The following DCDC1 variants were observed in gnomAD, a reference collection of about 807,000 sequenced individuals.
DCDC1 encodes the protein doublecortin domain containing 1.
In DCDC1, 200 loss-of-function variants were observed where a neutral mutation model predicts 178.3. The ratio of observed to expected loss-of-function variants is 1.12; its 90% CI spans 1.00 to 1.26. DCDC1 has a LOEUF of 1.26. Ranked by LOEUF, DCDC1 falls within the 50% of genes most tolerant of loss-of-function variation. The probability of loss-of-function intolerance (pLI) is 0.00; values close to 1 mark genes in which losing one functional copy is unlikely to be tolerated. For synonymous variants in DCDC1, 690 were observed against 604.8 expected, an observed-to-expected ratio of 1.14 and a Z score of -2.07; for missense variants, 1,983 against 1,749.2, an observed-to-expected ratio of 1.13 and a Z score of -2.38.
At chr11:31,201,837 GAACA>G (rs1971324258) in intron 9 of DCDC1, among the ~76,000 whole-genome samples, 1 of 151,942 alleles carries the variant, frequency 6.6e-6, no homozygotes, top group African/African-American at 2.4e-5. Flanking sequence ...AAAACAAAGT[GAACA>G]AATTAGACAA....
At chr11:31,333,477 T>C (rs1253297430) in intron 2 of DCDC1, among the ~76,000 whole-genome samples, 1 of 152,182 alleles carries the variant, frequency 6.6e-6, no homozygotes, top group African/African-American at 2.4e-5. Flanking sequence ...CTAGCATCAG[T>C]GGTCTTTACA....
chr11:30,955,403 T>C (rs1056881126), intron 20 of DCDC1, among the ~76,000 whole-genome samples: 6 of 152,206 alleles, frequency 3.9e-5, no homozygotes, highest in Non-Finnish European at 7.3e-5. Flanking sequence ...ACTTTTGTTC[T>C]CTCTACCTCT....
At chr11:30,927,783 G>A (rs1487779612) in intron 22 of DCDC1, among the ~76,000 whole-genome samples, 1 of 152,108 alleles carries the variant, frequency 6.6e-6, no homozygotes, top group African/African-American at 2.4e-5. Flanking sequence ...AAATTGTCTA[G>A]AGTGAATTAT....
chr11:31,257,723 C>CACAT (rs1304832307), intron 8 of DCDC1, among the ~76,000 whole-genome samples: 8 of 150,818 alleles, frequency 5.3e-5, no homozygotes, highest in Admixed American at 1.3e-4. Flanking sequence ...CACACACATA[C>CACAT]ACACACACAC....
intron 7 of DCDC1, among the ~76,000 whole-genome samples, chr11:31,284,292 G>T (rs754022984): frequency 6.6e-6 from 1 of 152,064 alleles, no homozygotes; most frequent in Non-Finnish European, 1.5e-5. Flanking sequence ...AAATAATATT[G>T]CTCTTAAACA....
intron 9 of DCDC1, among the ~76,000 whole-genome samples, chr11:31,180,520 G>A (rs566764251): frequency 2.6e-5 from 4 of 152,226 alleles, no homozygotes; most frequent in East Asian, 1.9e-4. Context: ...TCATTGGGAC[G>A]GGTTAGACAG....
At chr11:31,161,596 G>A (rs1417524919) in intron 9 of DCDC1, among the ~76,000 whole-genome samples, 9 of 152,120 alleles carry the variant, frequency 5.9e-5, no homozygotes, top group Admixed American at 3.9e-4. Context: ...CCCAGCAATC[G>A]AAAAGTAATT....
intron 10 of DCDC1, 108 bp downstream of exon 10, chr11:31,137,584 G>A: frequency 1.7e-6 from 1 of 580,370 alleles, no homozygotes; most frequent in Non-Finnish European, 3.1e-6. Flanking sequence ...TCCTGACCTT[G>A]TGATCTTCCC....
chr11:31,362,266 G>A (rs939213486), intron 1 of DCDC1, among the ~76,000 whole-genome samples: 1 of 151,970 alleles, frequency 6.6e-6, no homozygotes, highest in South Asian at 2.1e-4. Context: ...AATATAGATA[G>A]AAACTAAAAA....
At chr11:30,909,906 C>G (rs1282102974) in intron 28 of DCDC1, among the ~76,000 whole-genome samples, 1 of 152,068 alleles carries the variant, frequency 6.6e-6, no homozygotes, top group Non-Finnish European at 1.5e-5. Context: ...TTAGTTCTAA[C>G]TAAATATGTC....
chr11:31,220,115 G>T (rs537022025), intron 9 of DCDC1, among the ~76,000 whole-genome samples: 3 of 152,272 alleles, frequency 2.0e-5, no homozygotes, highest in Middle Eastern at 3.4e-3. Flanking sequence ...GGAAGTCCAT[G>T]TCAAAATCAC....
At chr11:31,330,515 G>T (rs1362659701) in intron 2 of DCDC1, among the ~76,000 whole-genome samples, 2 of 152,128 alleles carry the variant, frequency 1.3e-5, no homozygotes, top group African/African-American at 4.8e-5. Context: ...TTCTTCTAGG[G>T]TTTTTATGGT....
chr11:30,878,312 G>A (rs1942326840), intron 38 of DCDC1, among the ~76,000 whole-genome samples: 1 of 151,946 alleles, frequency 6.6e-6, no homozygotes, highest in East Asian at 1.9e-4. Flanking sequence ...TATTAGCTGG[G>A]TGTAGTGGTG....
chr11:30,955,572 C>T (rs1250474306), intron 20 of DCDC1, among the ~76,000 whole-genome samples: 7 of 152,192 alleles, frequency 4.6e-5, no homozygotes, highest in Admixed American at 1.3e-4. Flanking sequence ...ACACCACTTT[C>T]AAAATCCTGT....
At chr11:30,878,907 T>C (rs1942392073) in intron 37 of DCDC1, among the ~76,000 whole-genome samples, 196 bp from the exon 38 acceptor site, 2 of 152,108 alleles carry the variant, frequency 1.3e-5, no homozygotes, top group South Asian at 4.1e-4. Context: ...AGAATGGAAG[T>C]TGCTAGAGAG....
At chr11:31,255,967 A>G (rs1337127018) in intron 8 of DCDC1, among the ~76,000 whole-genome samples, 6 of 152,130 alleles carry the variant, frequency 3.9e-5, no homozygotes, top group Non-Finnish European at 7.4e-5. Flanking sequence ...CCTTTTATTT[A>G]GATTGCTGAT....
chr11:30,926,623 A>G (rs1274870133), intron 22 of DCDC1, among the ~76,000 whole-genome samples: 2 of 152,230 alleles, frequency 1.3e-5, no homozygotes, highest in Admixed American at 6.5e-5. Flanking sequence ...GATTCTTGCT[A>G]AATATATTTT....
At chr11:31,319,366 G>T (rs1949243037) in intron 3 of DCDC1, among the ~76,000 whole-genome samples, 1 of 62,722 alleles carries the variant, frequency 1.6e-5, no homozygotes, top group South Asian at 4.4e-4. Flanking sequence ...TAAATATTTA[G>T]GATAGTTAGC....
intron 15 of DCDC1, among the ~76,000 whole-genome samples, chr11:31,096,154 A>G (rs1032741287): frequency 2.0e-5 from 3 of 152,234 alleles, no homozygotes; most frequent in African/African-American, 7.2e-5. Flanking sequence ...CAAGAGAAGA[A>G]AACGTCATAA....
Sources: allele counts gnomAD v4.1 joint callset (sites outside exome capture counted in the v4.1 genomes callset), GRCh38; gene constraint gnomAD v4.1.1; transcripts MANE v1.5; gene names NCBI Gene and HGNC (gene_info 2026-07-23, HGNC 2026-07-21).